Variants in SLC24A2 observed in about 807,000 individuals in gnomAD.
The protein encoded by SLC24A2 is solute carrier family 24 member 2, also known as sodium/potassium/calcium exchanger 2.
In SLC24A2, 36 loss-of-function variants were observed where a neutral mutation model predicts 62.0. The observed-to-expected ratio is 0.58, with a 90% confidence interval of 0.44 to 0.77. The LOEUF (loss-of-function observed/expected upper bound fraction) is 0.77, where lower values mean the gene tolerates loss of function less well. Ranked by LOEUF, SLC24A2 falls within the 30% of genes least tolerant of loss-of-function variation. SLC24A2 has a pLI of 0.00. For missense variants in SLC24A2, 846 were observed against 817.9 expected (o/e 1.03, Z -0.42); for synonymous variants, 358 against 294.0 (o/e 1.22, Z -2.23).
intron 4 of SLC24A2, among the ~76,000 whole-genome samples, chr9:19,601,578 C>T (rs972569474): frequency 6.6e-6 from 1 of 152,172 alleles, no homozygotes; most frequent in African/African-American, 2.4e-5. Context: ...ACTCTGGATA[C>T]ATTTTTACTG....
intron 5 of SLC24A2, among the ~76,000 whole-genome samples, chr9:19,596,133 G>T (rs1460557115): frequency 1.3e-5 from 2 of 152,186 alleles, no homozygotes; most frequent in African/African-American, 2.4e-5. Flanking sequence ...GTGGAGAGGG[G>T]CTGGGAAGGG....
the SLC24A2 span, among the ~76,000 whole-genome samples, chr9:19,860,978 A>C: frequency 3.9e-5 from 6 of 152,208 alleles, no homozygotes; most frequent in African/African-American, 1.4e-4. Context: ...CCTGGATGGC[A>C]CCTCTGGACC....
the SLC24A2 span, among the ~76,000 whole-genome samples, chr9:20,182,245 G>C: frequency 6.6e-6 from 1 of 152,276 alleles, no homozygotes; most frequent in East Asian, 1.9e-4. Flanking sequence ...CAAGGATCCA[G>C]AACTAGAAAT....
chr9:20,269,431 T>G, the SLC24A2 span, among the ~76,000 whole-genome samples: 3 of 152,154 alleles, frequency 2.0e-5, no homozygotes, highest in African/African-American at 7.2e-5. Context: ...CCCATGACTC[T>G]CCTGAACTTC....
the SLC24A2 span, among the ~76,000 whole-genome samples, chr9:20,001,352 G>A: frequency 6.6e-6 from 1 of 152,206 alleles, no homozygotes; most frequent in African/African-American, 2.4e-5. Context: ...GGTCTGCATG[G>A]AGAGAAGGGA....
chr9:19,706,660 G>C (rs898327668), intron 2 of SLC24A2, among the ~76,000 whole-genome samples: 1 of 152,280 alleles, frequency 6.6e-6, no homozygotes. Flanking sequence ...TTACAGGCGT[G>C]AGCCACCGCG....
chr9:20,068,057 C>CTTTTTTTTTT, the SLC24A2 span, among the ~76,000 whole-genome samples: 2 of 89,742 alleles, frequency 2.2e-5, no homozygotes, highest in Non-Finnish European at 4.2e-5. Flanking sequence ...TTTTTTGACT[C>CTTTTTTTTTT]TTTTTTTTTT....
the SLC24A2 span, among the ~76,000 whole-genome samples, chr9:20,000,362 A>G: frequency 6.6e-6 from 1 of 152,156 alleles, no homozygotes; most frequent in African/African-American, 2.4e-5. Context: ...ACAGAATTTG[A>G]CCTAGGCAGG....
chr9:20,201,458 G>C, the SLC24A2 span, among the ~76,000 whole-genome samples: 5 of 152,154 alleles, frequency 3.3e-5, no homozygotes, highest in Non-Finnish European at 7.3e-5. Context: ...GAGACCAAGA[G>C]GGGATAGAAG....
the SLC24A2 span, among the ~76,000 whole-genome samples, chr9:20,055,378 T>C: frequency 6.6e-5 from 10 of 152,224 alleles, no homozygotes; most frequent in Admixed American, 6.5e-4. Context: ...ATCATAAATA[T>C]AGTGCTTAAC....
rs556303378 is a variant in SLC24A2, at chr9:19,690,694, G to A, written c.931-68395C>T. 2.1e-4 allele frequency among the ~76,000 whole-genome samples: 32 copies of A among 152,206 alleles called. No homozygotes were observed. The South Asian group carries it at 5.0e-3, about 24-fold the overall frequency. ...ACAATTCAGTTTCATAAACTACTGT[G>A]GCTTTTCTCTTTTTTCCTTTTTGCA... On this transcript the variant is annotated intron_variant, in intron 2 of 10. Transcript: ENST00000341998.
the SLC24A2 span, among the ~76,000 whole-genome samples, chr9:19,983,212 T>G: frequency 6.6e-6 from 1 of 152,096 alleles, no homozygotes; most frequent in African/African-American, 2.4e-5. Flanking sequence ...ATGAAAGACA[T>G]AAAACTATCT....
the SLC24A2 span, among the ~76,000 whole-genome samples, chr9:20,226,667 T>C: frequency 1.3e-5 from 2 of 152,056 alleles, no homozygotes; most frequent in South Asian, 2.1e-4. Flanking sequence ...CAATACCTGA[T>C]GAAGACCTGA....
At chr9:20,282,279 T>A in the SLC24A2 span, among the ~76,000 whole-genome samples, 1 of 152,024 alleles carries the variant, frequency 6.6e-6, no homozygotes. Context: ...CCAAAAGAAA[T>A]AAGTTGAAAT....
intron 2 of SLC24A2, among the ~76,000 whole-genome samples, chr9:19,689,628 T>C (rs754154610): frequency 5.3e-5 from 8 of 152,110 alleles, no homozygotes; most frequent in Non-Finnish European, 1.2e-4. Flanking sequence ...ATAATCTTCA[T>C]CATAAACAAT....
rs540970833 is a variant in SLC24A2 at position 19,641,543 on chromosome 9, C to G, written c.931-19244G>C. Among the ~76,000 whole-genome samples the G allele has an allele frequency of 2.2e-5, 3 of 139,098 alleles. No individual in the cohort carries two copies. The South Asian group carries it at 6.8e-4, about 31-fold the overall frequency. 91.3% of individuals were successfully genotyped at this position (139,098 alleles called of 152,430 possible). A position where few individuals can be genotyped will look rare whatever the true frequency, so the allele number is the denominator to read the frequency against. On this transcript the variant is annotated intron_variant, in intron 2 of 10. Coordinates refer to ENST00000341998, the MANE Select transcript of SLC24A2 (RefSeq NM_020344.4). ...TTTTTTTTTTTTTTTGAGATGGAGTCTCACTCGGTCGCCCAGGCTGGAGTG... is the reference window on the plus strand; with the variant it reads ...TTTTTTTTTTTTTTTGAGATGGAGTGTCACTCGGTCGCCCAGGCTGGAGTG...
chr9:20,188,408 A>G, the SLC24A2 span, among the ~76,000 whole-genome samples: 4 of 152,332 alleles, frequency 2.6e-5, no homozygotes, highest in Non-Finnish European at 4.4e-5. Context: ...TTTAGGGATC[A>G]TTGCAGGAGC....
the SLC24A2 span, among the ~76,000 whole-genome samples, chr9:19,911,254 T>C: frequency 2.0e-5 from 3 of 152,104 alleles, no homozygotes; most frequent in African/African-American, 7.2e-5. Flanking sequence ...AACTCATCGT[T>C]TTTTATGGCT....
chr9:20,146,108 A>G, the SLC24A2 span, among the ~76,000 whole-genome samples: 1 of 152,188 alleles, frequency 6.6e-6, no homozygotes, highest in Non-Finnish European at 1.5e-5. Flanking sequence ...TCTTGTGAAT[A>G]TATTTTTTCA....
Sources: allele counts gnomAD v4.1 joint callset (sites outside exome capture counted in the v4.1 genomes callset), GRCh38; gene constraint gnomAD v4.1.1; transcripts MANE v1.5; gene names NCBI Gene and HGNC (gene_info 2026-07-23, HGNC 2026-07-21).